The following TMEM267 variants were observed in gnomAD, a reference collection of about 807,000 sequenced individuals.
TMEM267 encodes transmembrane protein C5orf28.
TMEM267 carries 20 observed loss-of-function variants against 19.3 expected under a neutral mutation model. The observed-to-expected ratio is 1.04, with a 90% CI of 0.73 to 1.51. The LOEUF (loss-of-function observed/expected upper bound fraction) is 1.51, where lower values mean the gene tolerates loss of function less well. TMEM267 is among the 40% of genes most tolerant of loss of function. The pLI is 0.00. For synonymous variants in TMEM267, 88 were observed against 90.3 expected (o/e 0.97, Z 0.15); for missense variants, 242 against 261.9 (o/e 0.92, Z 0.52).
intron 1 of TMEM267, among the ~76,000 whole-genome samples, chr5:43,483,432 C>T (rs1744918946): frequency 6.6e-6 from 1 of 152,218 alleles, no homozygotes; most frequent in Non-Finnish European, 1.5e-5. Context: ...GCACGAAAGG[C>T]TCTTACAACC....
intron 1 of TMEM267, among the ~76,000 whole-genome samples, chr5:43,481,993 C>T (rs984458481): frequency 2.0e-5 from 3 of 152,138 alleles, no homozygotes; most frequent in African/African-American, 7.2e-5. Flanking sequence ...CAGGCGCCCG[C>T]CACCACGCCC....
chr5:43,463,527 A>G (rs6859344), intron 1 of TMEM267, among the ~76,000 whole-genome samples: 88,815 of 151,930 alleles, frequency 0.58, 28,601 homozygotes, highest in African/African-American at 0.84. Flanking sequence ...GAACATTGAT[A>G]CAAAAATCCT....
At chr5:43,481,593 A>G (rs1744769681) in intron 1 of TMEM267, among the ~76,000 whole-genome samples, 3 of 152,154 alleles carry the variant, frequency 2.0e-5, no homozygotes, top group Admixed American at 2.0e-4. Context: ...ATAGGAACAC[A>G]TATATTATAT....
At chr5:43,465,322 G>A (rs1743583943) in intron 1 of TMEM267, among the ~76,000 whole-genome samples, 2 of 152,236 alleles carry the variant, frequency 1.3e-5, no homozygotes, top group South Asian at 4.1e-4. Flanking sequence ...TGCTGGAGAG[G>A]ATGTGGATGT....
At chr5:43,451,359 A>G (rs1742577919) in intron 2 of TMEM267, among the ~76,000 whole-genome samples, 1 of 152,220 alleles carries the variant, frequency 6.6e-6, no homozygotes, top group Non-Finnish European at 1.5e-5. Flanking sequence ...CATTTGAAAA[A>G]GGGCTCATAT....
At chr5:43,477,193 A>C (rs1744478259) in intron 1 of TMEM267, among the ~76,000 whole-genome samples, 1 of 152,154 alleles carries the variant, frequency 6.6e-6, no homozygotes, top group African/African-American at 2.4e-5. Flanking sequence ...CCCTGTCTGA[A>C]AAACAACAAC....
intron 1 of TMEM267, among the ~76,000 whole-genome samples, chr5:43,472,528 G>T (rs6870783): frequency 6.6e-6 from 1 of 151,966 alleles, no homozygotes; most frequent in East Asian, 1.9e-4. Flanking sequence ...TAGCTAAGAT[G>T]TGGAAGCAAC....
chr5:43,480,533 G>A (rs552546012), intron 1 of TMEM267, among the ~76,000 whole-genome samples: 1 of 151,516 alleles, frequency 6.6e-6, no homozygotes, highest in Admixed American at 6.6e-5. Context: ...ATGTTGTCCA[G>A]GCTGGTCTCA....
chr5:43,472,449 G>C (rs1019339480), intron 1 of TMEM267, among the ~76,000 whole-genome samples: 1 of 152,018 alleles, frequency 6.6e-6, no homozygotes, highest in Non-Finnish European at 1.5e-5. Flanking sequence ...GGTATATACC[G>C]AAAAGAAAGG....
intron 1 of TMEM267, among the ~76,000 whole-genome samples, chr5:43,474,332 C>T (rs1744275558): frequency 6.6e-6 from 1 of 152,138 alleles, no homozygotes; most frequent in African/African-American, 2.4e-5. Context: ...CACCTACAGA[C>T]TGGGAGAAAA....
intron 1 of TMEM267, among the ~76,000 whole-genome samples, chr5:43,473,129 C>A (rs1466351076): frequency 7.7e-6 from 1 of 129,148 alleles, no homozygotes; most frequent in Non-Finnish European, 1.6e-5. Flanking sequence ...CAGAGCGAGA[C>A]TCCGTGTCAC....
intron 2 of TMEM267, among the ~76,000 whole-genome samples, chr5:43,451,738 C>G (rs986369723): frequency 6.6e-6 from 1 of 152,002 alleles, no homozygotes; most frequent in African/African-American, 2.4e-5. Context: ...TCCAGCAATC[C>G]CACTACTGAA....
intron 1 of TMEM267, among the ~76,000 whole-genome samples, chr5:43,461,137 T>C (rs1029769515): frequency 3.3e-5 from 5 of 152,122 alleles, no homozygotes; most frequent in Admixed American, 2.0e-4. Context: ...GAGGGCCCCA[T>C]TCCAGGCCCT....
At chr5:43,450,630 G>A (rs1742530889) in intron 2 of TMEM267, among the ~76,000 whole-genome samples, 1 of 152,116 alleles carries the variant, frequency 6.6e-6, no homozygotes, top group Admixed American at 6.5e-5. Context: ...GCACAGCTGG[G>A]ATTTGACCCT....
At chr5:43,471,866 C>T (rs1481836960) in intron 1 of TMEM267, among the ~76,000 whole-genome samples, 2 of 152,070 alleles carry the variant, frequency 1.3e-5, no homozygotes, top group Admixed American at 6.6e-5. Context: ...GGAAAATCTC[C>T]ACGACATTGA....
In TMEM267 at chr5:43,467,924, G is replaced by A. The variant is rs539236250; in HGVS notation, c.-74-13881C>T. ...TCAGTTGGGGGGGGCCTTACTTTGA[G>A]CTGTATCTGCCTTTCTGGATGGAAC... On this transcript the variant is annotated intron_variant, in intron 1 of 2. Transcript: ENST00000397080. 2.6e-5 allele frequency among the ~76,000 whole-genome samples: 4 copies of A among 152,128 alleles called. No homozygotes were observed. The South Asian group carries it at 6.2e-4, about 24-fold the overall frequency.
intron 1 of TMEM267, among the ~76,000 whole-genome samples, chr5:43,472,757 T>G (rs1470915461): frequency 1.3e-5 from 1 of 79,334 alleles, no homozygotes; most frequent in African/African-American, 8.2e-5. Flanking sequence ...ATTGAACTCG[T>G]GGACATAGAG....
At chr5:43,478,716 T>C (rs1163926074) in intron 1 of TMEM267, among the ~76,000 whole-genome samples, 1 of 151,974 alleles carries the variant, frequency 6.6e-6, no homozygotes, top group African/African-American at 2.4e-5. Context: ...ATGTGGGCAA[T>C]GTACATAAAA....
In TMEM267 at chr5:43,468,975, T is replaced by C. The variant is rs536601347; in HGVS notation, c.-75+14847A>G. 4.6e-5 allele frequency among the ~76,000 whole-genome samples: 7 copies of C among 152,266 alleles called. No homozygotes were observed. In the Middle Eastern group the frequency reaches 0.024, roughly 518 times the overall value. ...AAACAATATTCTCCTGAATGACCAG[T>C]GGGTCAATGAAGAAATTAAGAAGGA... On this transcript the variant is annotated intron_variant, in intron 1 of 2. Transcript: ENST00000397080.
Sources: gnomAD v4.1 joint callset for allele counts (sites outside exome capture counted in the v4.1 genomes callset) on GRCh38, gnomAD v4.1.1 for gene constraint, MANE v1.5 for transcripts, NCBI Gene and HGNC (gene_info 2026-07-23, HGNC 2026-07-21) for gene names.